MRTFB: variants seen among roughly 807,000 people sequenced by gnomAD.
The protein encoded by MRTFB is myocardin-related transcription factor B.
In MRTFB, 29 loss-of-function variants were observed where a neutral mutation model predicts 104.2. That is an observed-to-expected ratio of 0.28 (90% CI 0.21 to 0.38). The LOEUF is 0.38. MRTFB is among the 10% of genes least tolerant of loss of function. The probability of loss-of-function intolerance (pLI) is 1.00; values close to 1 mark genes in which losing one functional copy is unlikely to be tolerated. For missense variants in MRTFB, 1,270 were observed against 1,341.6 expected, an observed-to-expected ratio of 0.95 and a Z score of 0.83; for synonymous variants, 535 against 519.5, an observed-to-expected ratio of 1.03 and a Z score of -0.41.
the MRTFB span, among the ~76,000 whole-genome samples, chr16:14,055,170 G>A: frequency 3.9e-5 from 6 of 152,268 alleles, no homozygotes; most frequent in African/African-American, 7.2e-5. Context: ...TGACCAACAT[G>A]GAGAAACCCC....
At chr16:14,114,320 A>G (rs1218444873) in intron 2 of MRTFB, among the ~76,000 whole-genome samples, 1 of 152,232 alleles carries the variant, frequency 6.6e-6, no homozygotes, top group Admixed American at 6.5e-5. Flanking sequence ...TCAGTATAGA[A>G]CTATTCATTT....
At chr16:14,005,669 T>C in the MRTFB span, among the ~76,000 whole-genome samples, 1 of 152,166 alleles carries the variant, frequency 6.6e-6, no homozygotes, top group South Asian at 2.1e-4. Flanking sequence ...GAAAGCATGT[T>C]CCGGAGATGG....
At chr16:14,027,971 A>G in the MRTFB span, among the ~76,000 whole-genome samples, 1 of 152,178 alleles carries the variant, frequency 6.6e-6, no homozygotes, top group Non-Finnish European at 1.5e-5. Context: ...GAGCTTAGGA[A>G]TTCAAGACCA....
At chr16:14,106,253 G>A (rs2035970488) in intron 2 of MRTFB, among the ~76,000 whole-genome samples, 1 of 152,194 alleles carries the variant, frequency 6.6e-6, no homozygotes. Context: ...TGCAGTGGGA[G>A]TGCTGCTGAG....
At chr16:14,222,205 G>C (rs1353368900) in intron 8 of MRTFB, among the ~76,000 whole-genome samples, 3 of 152,122 alleles carry the variant, frequency 2.0e-5, no homozygotes, top group African/African-American at 7.2e-5. Context: ...CATACTTTGA[G>C]TGAAATCTCT....
chr16:14,171,240 A>G (rs1345304026), intron 3 of MRTFB, among the ~76,000 whole-genome samples: 2 of 152,210 alleles, frequency 1.3e-5, no homozygotes, highest in Non-Finnish European at 2.9e-5. Context: ...CCTGGGAACT[A>G]CATGTGTTCA....
the MRTFB span, among the ~76,000 whole-genome samples, chr16:14,060,465 C>T: frequency 2.0e-5 from 3 of 152,120 alleles, no homozygotes; most frequent in Admixed American, 2.0e-4. Context: ...CACTTCATTT[C>T]GCAGGTTTCA....
At chr16:14,152,447 G>C (rs1156815265) in intron 3 of MRTFB, 3 of 152,084 alleles carry the variant, frequency 2.0e-5, no homozygotes, top group Admixed American at 1.3e-4. Context: ...AATGGCAGCT[G>C]TTTAGATGAT....
In MRTFB at chr16:14,247,372, A is replaced by C; in HGVS notation, c.2112A>C (p.Gly704=). 1 of 1,614,078 alleles carries C rather than the reference A, an allele frequency of 6.2e-7. No homozygotes were observed. Among genetic ancestry groups the C allele is most frequent in the Non-Finnish European group, 8.5e-7 (1 of 1,180,042 alleles). The change falls in exon 12 of 17, where the codon GGA becomes GGC. Residue 704 remains glycine, a synonymous_variant. Coordinates refer to ENST00000571589, the MANE Select transcript of MRTFB (RefSeq NM_001308142.2). ...VVSQFYVSSQ[G]QPPPAVVAQP... The stretch of plus-strand genomic sequence containing the variant: ...CGCAGTTTTATGTGAGTTCCCAGGG[A>C]CAGCCACCGCCTGCTGTTGTTGCTC...
the MRTFB span, among the ~76,000 whole-genome samples, chr16:14,025,182 AAT>A: frequency 6.6e-6 from 1 of 152,128 alleles, no homozygotes; most frequent in Non-Finnish European, 1.5e-5. Context: ...GGATGAAATA[AAT>A]GTTTTCAATT....
the MRTFB span, among the ~76,000 whole-genome samples, chr16:14,045,515 C>G: frequency 6.6e-6 from 1 of 152,216 alleles, no homozygotes; most frequent in Non-Finnish European, 1.5e-5. Context: ...AAAACCTTAC[C>G]TGTTACACCA....
intron 3 of MRTFB, chr16:14,152,458 G>A (rs1418237174): frequency 1.3e-5 from 2 of 152,138 alleles, no homozygotes; most frequent in African/African-American, 4.8e-5. Context: ...TTTAGATGAT[G>A]CTGTAAGGTC....
the MRTFB span, among the ~76,000 whole-genome samples, chr16:14,022,929 T>C: frequency 2.6e-5 from 4 of 152,042 alleles, no homozygotes; most frequent in Non-Finnish European, 5.9e-5. Flanking sequence ...ACTCCCGACC[T>C]CAAGTGACCA....
At chr16:14,001,960 G>A in the MRTFB span, among the ~76,000 whole-genome samples, 1 of 152,200 alleles carries the variant, frequency 6.6e-6, no homozygotes, top group Non-Finnish European at 1.5e-5. Context: ...AAAAGAACCA[G>A]CCATAACAAA....
At chr16:14,012,454 A>C in the MRTFB span, among the ~76,000 whole-genome samples, 1 of 151,232 alleles carries the variant, frequency 6.6e-6, no homozygotes, top group Non-Finnish European at 1.5e-5. Flanking sequence ...ACCTGCCACC[A>C]CGCCTGGCTA....
At chr16:14,212,321 T>C in intron 4 of MRTFB, 33 bp from the exon 5 acceptor site, 1 of 1,610,544 alleles carries the variant, frequency 6.2e-7, no homozygotes, top group Admixed American at 1.7e-5. Context: ...ATGAACTCTA[T>C]TTATACTGTG....
intron 3 of MRTFB, among the ~76,000 whole-genome samples, chr16:14,205,719 T>C (rs1297677230): frequency 6.6e-6 from 1 of 152,250 alleles, no homozygotes; most frequent in Non-Finnish European, 1.5e-5. Flanking sequence ...CTCAGTGTTT[T>C]GAACTGTTTA....
At chr16:14,079,751 G>GT (rs147284574) in intron 2 of MRTFB, among the ~76,000 whole-genome samples, 8,878 of 150,276 alleles carry the variant, frequency 0.059, 511 homozygotes, top group East Asian at 0.3. Flanking sequence ...AAAATTTTGG[G>GT]TTTTTTTTTA....
chr16:14,012,106 G>A, the MRTFB span, among the ~76,000 whole-genome samples: 2 of 152,094 alleles, frequency 1.3e-5, no homozygotes, highest in Non-Finnish European at 2.9e-5. Context: ...AGCCTCCAGA[G>A]GAAAGTGGGA....
Sources: allele counts gnomAD v4.1 joint callset (sites outside exome capture counted in the v4.1 genomes callset), GRCh38; gene constraint gnomAD v4.1.1; transcripts MANE v1.5; gene names NCBI Gene and HGNC (gene_info 2026-07-23, HGNC 2026-07-21).